Variants in PPP4R2 observed in about 807,000 individuals in gnomAD.
PPP4R2 encodes the protein serine/threonine-protein phosphatase 4 regulatory subunit 2.
PPP4R2 carries 13 observed loss-of-function variants against 47.2 expected under a neutral mutation model. The observed-to-expected ratio is 0.28, with a 90% CI of 0.18 to 0.44. PPP4R2 has a LOEUF of 0.44. PPP4R2 is among the 20% of genes least tolerant of loss of function. The pLI, the probability that PPP4R2 is intolerant of heterozygous loss-of-function variation, is 1.00. For missense variants in PPP4R2, 421 were observed against 491.2 expected (o/e 0.86, Z 1.35); for synonymous variants, 151 against 163.3 (o/e 0.92, Z 0.57).
intron 3 of PPP4R2, among the ~76,000 whole-genome samples, chr3:73,053,802 G>A (rs917396068): frequency 1.3e-5 from 2 of 151,582 alleles, no homozygotes; most frequent in African/African-American, 4.9e-5. Flanking sequence ...CCAGCTACTC[G>A]GGAGGCTGAG....
At chr3:73,045,245 T>G (rs1456236122) in intron 2 of PPP4R2, among the ~76,000 whole-genome samples, 1 of 152,134 alleles carries the variant, frequency 6.6e-6, no homozygotes, top group African/African-American at 2.4e-5. Context: ...CCAAGTGATC[T>G]TCCTGTCTCG....
chr3:73,044,323 G>C (rs1702441144), intron 2 of PPP4R2, among the ~76,000 whole-genome samples: 1 of 152,084 alleles, frequency 6.6e-6, no homozygotes. Context: ...TTCTTGGCTG[G>C]GGGCAGTGGC....
rs577946976 is a variant in PPP4R2, at chr3:73,002,818, A to G, written c.116+4660A>G. 4.7e-5 allele frequency among the ~76,000 whole-genome samples: 7 copies of G among 149,554 alleles called. 1 individual carries two copies. The highest frequency in any genetic ancestry group is 7.4e-5 in the African/African-American group (3 of 40,630). On this transcript the variant is annotated intron_variant, in intron 2 of 8. Coordinates refer to ENST00000356692, the MANE Select transcript of PPP4R2 (RefSeq NM_174907.4). ...CACCACGCCTGGCTAATTTTTTTGT[A>G]TTTTTAGTAGAGATGGGGTTTCACT...
At chr3:73,030,894 G>GTT (rs1702154033) in intron 2 of PPP4R2, among the ~76,000 whole-genome samples, 1 of 151,854 alleles carries the variant, frequency 6.6e-6, no homozygotes, top group Non-Finnish European at 1.5e-5. Flanking sequence ...TAGAGACGGG[G>GTT]TTTCACCATG....
At chr3:73,055,012 T>TAAA (rs1040507073) in intron 3 of PPP4R2, among the ~76,000 whole-genome samples, 1 of 152,004 alleles carries the variant, frequency 6.6e-6, no homozygotes, top group African/African-American at 2.4e-5. Flanking sequence ...CTTCTGCTTT[T>TAAA]AAAAAAAAGT....
chr3:73,056,839 T>A (rs1702740169), intron 3 of PPP4R2, among the ~76,000 whole-genome samples: 1 of 152,204 alleles, frequency 6.6e-6, no homozygotes, highest in Non-Finnish European at 1.5e-5. Context: ...TTTTAAAATA[T>A]TCATCTGTTA....
chr3:73,055,287 TTA>T, intron 3 of PPP4R2, among the ~76,000 whole-genome samples: 1 of 152,116 alleles, frequency 6.6e-6, no homozygotes, highest in East Asian at 1.9e-4. Context: ...ACCATATACA[TTA>T]TGTCGTATTT....
chr3:73,037,137 A>T (rs979098828), intron 2 of PPP4R2, among the ~76,000 whole-genome samples: 1 of 152,136 alleles, frequency 6.6e-6, no homozygotes, highest in Non-Finnish European at 1.5e-5. Context: ...TTCCCCCTCC[A>T]CTTAATACAC....
intron 2 of PPP4R2, among the ~76,000 whole-genome samples, chr3:73,032,671 C>A (rs1028610887): frequency 2.6e-5 from 4 of 152,114 alleles, no homozygotes; most frequent in African/African-American, 7.2e-5. Context: ...CCCTTAATGT[C>A]TGATTTCTTA....
chr3:72,999,520 T>C (rs1701417649), intron 2 of PPP4R2, among the ~76,000 whole-genome samples: 1 of 152,260 alleles, frequency 6.6e-6, no homozygotes, highest in South Asian at 2.1e-4. Flanking sequence ...CAAGATGATA[T>C]CAAACTATTT....
intron 2 of PPP4R2, among the ~76,000 whole-genome samples, chr3:73,033,971 C>T (rs1413142081): frequency 2.0e-5 from 3 of 152,176 alleles, no homozygotes; most frequent in South Asian, 4.1e-4. Flanking sequence ...TTTAACTTTT[C>T]GAGGAACTGT....
chr3:73,046,631 T>G (rs1449839021), intron 2 of PPP4R2, among the ~76,000 whole-genome samples: 2 of 152,174 alleles, frequency 1.3e-5, no homozygotes, highest in Non-Finnish European at 2.9e-5. Context: ...AACCTGTGAT[T>G]ATGTGCCTTA....
At position 73,067,356 on chromosome 3, in the gene PPP4R2, A is replaced by T. The variant is rs1238069708; in HGVS notation, c.*1634A>T. On this transcript the variant is annotated 3_prime_UTR_variant, in exon 9 of 9. Coordinates refer to ENST00000356692, the MANE Select transcript of PPP4R2 (RefSeq NM_174907.4). The stretch of plus-strand genomic sequence containing the variant: ...GGGCAACCACAAGTTTTGCGTTTTG[A>T]CTACTTAAATCATCATGGCTATAAA... The T allele has an allele frequency of 6.6e-6, 1 of 152,066 alleles. No homozygotes were observed. The highest frequency in any genetic ancestry group is 2.4e-5 in the African/African-American group (1 of 41,432). The allele number at this position is 152,066 out of a possible 1,614,324, so 9.4% of individuals were successfully genotyped here.
chr3:73,062,142 T>G, intron 5 of PPP4R2: 2 of 1,548,072 alleles, frequency 1.3e-6, no homozygotes, highest in Non-Finnish European at 1.7e-6. Flanking sequence ...TGTTTGGGTC[T>G]GTGACAGATC....
At chr3:73,062,405 G>A (rs781073333) in intron 5 of PPP4R2, 4 of 1,608,442 alleles carry the variant, frequency 2.5e-6, no homozygotes, top group Non-Finnish European at 3.4e-6. Flanking sequence ...AAGCAGCCAA[G>A]TCTATGCTAG....
At position 73,065,566 on chromosome 3, in the gene PPP4R2, C is replaced by T. The variant is rs763327237; in HGVS notation, c.1098C>T (p.Asn366=). The part of the protein sequence containing the change: ...KDLLHSEGSE[N]EGPVSSSSSD... The stretch of plus-strand genomic sequence containing the variant: ...TGCTACATTCTGAAGGTAGTGAAAA[C>T]GAAGGCCCTGTAAGTAGTAGTTCTT... Residue 366 remains asparagine (N), a synonymous_variant, in exon 9 of 9, where the codon AAC becomes AAT. Transcript: ENST00000356692. The T allele has an allele frequency of 5.0e-6, 8 of 1,613,122 alleles. No homozygotes were observed. In the African/African-American group the frequency reaches 8.0e-5, roughly 16 times the overall value.
At chr3:73,052,474 C>A (rs1702636630) in intron 3 of PPP4R2, among the ~76,000 whole-genome samples, 1 of 151,932 alleles carries the variant, frequency 6.6e-6, no homozygotes, top group Admixed American at 6.6e-5. Flanking sequence ...TTTACTCAAA[C>A]CAGGGCCATT....
chr3:73,058,254 A>C (rs1702768954), intron 3 of PPP4R2, among the ~76,000 whole-genome samples: 1 of 152,132 alleles, frequency 6.6e-6, no homozygotes, highest in Non-Finnish European at 1.5e-5. Flanking sequence ...ATTATATATG[A>C]AATTGCAATA....
In PPP4R2 at chr3:72,997,086, C is replaced by T. The variant is rs200476409; in HGVS notation, c.34+15C>T. On this transcript the variant is annotated intron_variant, in intron 1 of 8. Coordinates refer to ENST00000356692, the MANE Select transcript of PPP4R2 (RefSeq NM_174907.4). ...GGCGCTGAAAGGTGGGGGTAGCTGC[C>T]CCCTCTCCATTCCCCCTCACCTTCT... The T allele has an allele frequency of 5.6e-4, 777 of 1,380,434 alleles. No individual in the cohort carries two copies. Among genetic ancestry groups the T allele is most frequent in the Non-Finnish European group, 6.8e-4 (718 of 1,050,504 alleles). 85.5% of individuals were successfully genotyped at this position (1,380,434 alleles called of 1,614,324 possible).
Sources: gnomAD v4.1 joint callset for allele counts (sites outside exome capture counted in the v4.1 genomes callset) on GRCh38, gnomAD v4.1.1 for gene constraint, MANE v1.5 for transcripts, NCBI Gene and HGNC (gene_info 2026-07-23, HGNC 2026-07-21) for gene names.